Variants in RLN2 observed in about 807,000 individuals in gnomAD.
RLN2 encodes the protein relaxin 2, also known as prorelaxin H2.
In RLN2, 10 loss-of-function variants were observed where a neutral mutation model predicts 7.3. The ratio of observed to expected loss-of-function variants is 1.36; its 90% CI spans 0.84 to 2.31. The LOEUF (loss-of-function observed/expected upper bound fraction) is 2.31. Ranked by LOEUF, RLN2 falls within the 30% of genes most tolerant of loss-of-function variation. The pLI is 0.00. For synonymous variants in RLN2, 103 were observed against 82.3 expected (o/e 1.25, Z -1.36); for missense variants, 298 against 217.6 (o/e 1.37, Z -2.32).
chr9:5,330,363 G>A, the RLN2 span, among the ~76,000 whole-genome samples: 1 of 151,874 alleles, frequency 6.6e-6, no homozygotes, highest in African/African-American at 2.4e-5. Context: ...GAGAGGCCGG[G>A]TGTGGTGGCT....
the RLN2 span, among the ~76,000 whole-genome samples, chr9:5,319,273 C>G: frequency 4.6e-5 from 7 of 151,982 alleles, no homozygotes; most frequent in Non-Finnish European, 8.8e-5. Flanking sequence ...GCCTACATGA[C>G]TTCCTGATGA....
chr9:5,315,525 T>G, the RLN2 span, among the ~76,000 whole-genome samples: 4 of 151,986 alleles, frequency 2.6e-5, no homozygotes, highest in East Asian at 5.8e-4. Flanking sequence ...TGCAGAAAGC[T>G]TATATAATGA....
the RLN2 span, among the ~76,000 whole-genome samples, chr9:5,327,262 G>A: frequency 6.6e-6 from 1 of 152,104 alleles, no homozygotes; most frequent in Non-Finnish European, 1.5e-5. Flanking sequence ...TGGCTAGGCA[G>A]GTCCCATGCC....
At chr9:5,318,928 C>G in the RLN2 span, among the ~76,000 whole-genome samples, 87 of 151,966 alleles carry the variant, frequency 5.7e-4, no homozygotes, top group Admixed American at 1.1e-3. Context: ...AAGGGCCAAT[C>G]AAATACAAAT....
At chr9:5,311,362 C>A in the RLN2 span, 1 of 437,912 alleles carries the variant, frequency 2.3e-6, no homozygotes, top group African/African-American at 2.0e-5. Flanking sequence ...ACTAATGTAG[C>A]TGATAGGGAA....
chr9:5,311,733 A>T, the RLN2 span: 11 of 1,076,050 alleles, frequency 1.0e-5, no homozygotes, highest in Admixed American at 5.1e-5. Context: ...TGCATTTTTG[A>T]TAACTGTATA....
Position 5,304,560 on chromosome 9 carries a change from G to A in RLN2, c.21C>T (p.Phe7=), listed in dbSNP as rs752771609. ...GTAGTAAACAGACTCCTAGCAGGTG[G>A]AAAAAAAACAGGCGAGGCATCCTGG... is the stretch of plus-strand genomic sequence containing the variant. The part of the protein sequence containing the change: MPRLFF[F]HLLGVCLLLN... Residue 7 remains phenylalanine, a synonymous_variant, in exon 1 of 2, where the codon TTC becomes TTT. Coordinates refer to ENST00000381627, the MANE Select transcript of RLN2 (RefSeq NM_134441.3). The A allele has an allele frequency of 1.9e-6, 3 of 1,613,330 alleles. No homozygotes were observed. Among genetic ancestry groups the A allele is most frequent in the South Asian group, 1.1e-5 (1 of 91,020 alleles).
Position 5,304,546 on chromosome 9 carries a change from A to T in RLN2, c.35T>A (p.Val12Asp). Residue 12 changes from valine (V) to aspartate (D), a missense_variant, in exon 1 of 2, where the codon GTC (valine) becomes GAC (aspartate). Physicochemically the swap from Val to Asp is radical, Grantham distance 152. Coordinates refer to ENST00000381627, the MANE Select transcript of RLN2 (RefSeq NM_134441.3). ...PRLFFFHLLG[V>D]CLLLNQFSRA... is the part of the protein sequence containing the mutation. ...GGAAAATTGGTTCAGTAGTAAACAGACTCCTAGCAGGTGGAAAAAAAACAG... is the reference window on the plus strand; with the variant it reads ...GGAAAATTGGTTCAGTAGTAAACAGTCTCCTAGCAGGTGGAAAAAAAACAG... The T allele has an allele frequency of 1.2e-6, 2 of 1,613,372 alleles. No homozygotes were observed. Among genetic ancestry groups the T allele is most frequent in the Non-Finnish European group, 1.7e-6 (2 of 1,179,798 alleles).
chr9:5,302,146 G>C (rs542704178), intron 1 of RLN2, among the ~76,000 whole-genome samples: 2 of 152,182 alleles, frequency 1.3e-5, no homozygotes, highest in South Asian at 4.2e-4. Flanking sequence ...TTGTTCATAG[G>C]CTGTGTATTT....
chr9:5,328,819 A>G, the RLN2 span, among the ~76,000 whole-genome samples: 6 of 152,168 alleles, frequency 3.9e-5, no homozygotes, highest in Non-Finnish European at 8.8e-5. Context: ...AGAATCTCAT[A>G]TCCAGCCAAA....
At chr9:5,335,889 C>A in the RLN2 span, among the ~76,000 whole-genome samples, 3 of 151,980 alleles carry the variant, frequency 2.0e-5, no homozygotes, top group South Asian at 2.1e-4. Flanking sequence ...CCTGACATTA[C>A]TCTGTCATCT....
At chr9:5,322,576 G>T in the RLN2 span, among the ~76,000 whole-genome samples, 2 of 151,954 alleles carry the variant, frequency 1.3e-5, no homozygotes, top group African/African-American at 4.8e-5. Context: ...GAAGTCCACA[G>T]AGAACAATTT....
chr9:5,308,533 T>G (rs1265840879), upstream of RLN2, among the ~76,000 whole-genome samples: 1 of 152,018 alleles, frequency 6.6e-6, no homozygotes, highest in Non-Finnish European at 1.5e-5. Flanking sequence ...TTCTCCAGTC[T>G]CTGACCATAC....
chr9:5,301,657 T>G (rs1816138859), intron 1 of RLN2, among the ~76,000 whole-genome samples: 1 of 152,122 alleles, frequency 6.6e-6, no homozygotes. Flanking sequence ...TAAATCTAAG[T>G]GCGGGAGGCA....
chr9:5,312,272 G>A, the RLN2 span, among the ~76,000 whole-genome samples: 34 of 151,958 alleles, frequency 2.2e-4, no homozygotes, highest in Non-Finnish European at 2.2e-4. Context: ...ATCTTTCAGC[G>A]TAGACTTAAC....
chr9:5,329,045 TG>T, the RLN2 span, among the ~76,000 whole-genome samples: 3 of 151,900 alleles, frequency 2.0e-5, no homozygotes, highest in Admixed American at 6.6e-5. Context: ...GGCTCACGCC[TG>T]TAATCCCAAC....
At chr9:5,332,497 G>A in the RLN2 span, among the ~76,000 whole-genome samples, 1 of 151,858 alleles carries the variant, frequency 6.6e-6, no homozygotes, top group African/African-American at 2.4e-5. Context: ...CATCATTATT[G>A]GTCTCAATGT....
At chr9:5,335,959 G>T in the RLN2 span, among the ~76,000 whole-genome samples, 1 of 152,000 alleles carries the variant, frequency 6.6e-6, no homozygotes, top group Non-Finnish European at 1.5e-5. Context: ...CATTTTCTTG[G>T]ATTCTTCTTA....
the RLN2 span, among the ~76,000 whole-genome samples, chr9:5,323,501 A>AT: frequency 6.6e-5 from 10 of 151,768 alleles, no homozygotes; most frequent in Non-Finnish European, 1.2e-4. Context: ...CAATAGGCAG[A>AT]TTTTTTCCCT....
Sources: allele counts gnomAD v4.1 joint callset (sites outside exome capture counted in the v4.1 genomes callset), GRCh38; gene constraint gnomAD v4.1.1; transcripts MANE v1.5; gene names NCBI Gene and HGNC (gene_info 2026-07-23, HGNC 2026-07-21).